The following GARIN1A variants were observed in gnomAD, a reference collection of about 807,000 sequenced individuals.
The protein encoded by GARIN1A is Golgi-associated RAB2 interactor protein 1A.
chr7:128,687,047 G>A, the GARIN1A span: 1 of 152,176 alleles, frequency 6.6e-6, no homozygotes, highest in Non-Finnish European at 1.5e-5. Flanking sequence ...AATGCGCCAT[G>A]TTTGAAGATA....
the GARIN1A span, among the ~76,000 whole-genome samples, chr7:128,703,323 A>G: frequency 2.6e-5 from 4 of 152,256 alleles, no homozygotes; most frequent in Non-Finnish European, 5.9e-5. Flanking sequence ...AATTTCATGC[A>G]AAGTGTATAA....
chr7:128,696,174 C>G, the GARIN1A span, among the ~76,000 whole-genome samples: 1 of 151,886 alleles, frequency 6.6e-6, no homozygotes, highest in Admixed American at 6.6e-5. Flanking sequence ...CGATGCCTGG[C>G]TAATTTTTAA....
the GARIN1A span, among the ~76,000 whole-genome samples, chr7:128,696,472 C>A: frequency 6.6e-6 from 1 of 151,740 alleles, no homozygotes; most frequent in South Asian, 2.1e-4. Context: ...GTCTTTCTGT[C>A]AACACAGTTT....
the GARIN1A span, among the ~76,000 whole-genome samples, chr7:128,688,233 A>C: frequency 6.6e-6 from 1 of 152,074 alleles, no homozygotes; most frequent in Non-Finnish European, 1.5e-5. Flanking sequence ...GATGGTCTCG[A>C]TCTCCTGACC....
At chr7:128,700,551 A>T in the GARIN1A span, among the ~76,000 whole-genome samples, 2 of 152,178 alleles carry the variant, frequency 1.3e-5, no homozygotes, top group African/African-American at 4.8e-5. Flanking sequence ...AAGTGCTGGG[A>T]TTACAGGAGT....
the GARIN1A span, among the ~76,000 whole-genome samples, chr7:128,699,272 C>A: frequency 8.0e-6 from 1 of 125,088 alleles, no homozygotes; most frequent in Non-Finnish European, 1.8e-5. Context: ...CCCCCCCCCC[C>A]CACCACCAAA....
the GARIN1A span, among the ~76,000 whole-genome samples, chr7:128,705,058 A>G: frequency 1.3e-5 from 2 of 152,212 alleles, no homozygotes; most frequent in South Asian, 2.1e-4. Context: ...TTACTCTTGC[A>G]TGAGTCAACA....
At chr7:128,692,443 A>ATTT in the GARIN1A span, among the ~76,000 whole-genome samples, 1 of 152,218 alleles carries the variant, frequency 6.6e-6, no homozygotes, top group Admixed American at 6.5e-5. Context: ...TGAAAACACC[A>ATTT]CACGGATTGG....
At chr7:128,675,896 A>T in the GARIN1A span, 1 of 1,419,918 alleles carries the variant, frequency 7.0e-7, no homozygotes, top group Non-Finnish European at 9.9e-7. Flanking sequence ...GGATGGAATG[A>T]TTGACTGGGA....
the GARIN1A span, among the ~76,000 whole-genome samples, chr7:128,692,130 G>A: frequency 7.2e-5 from 11 of 152,090 alleles, no homozygotes; most frequent in South Asian, 2.1e-4. Context: ...AATTCCCTTC[G>A]GCTTGGGTTG....
chr7:128,689,666 C>T, the GARIN1A span, among the ~76,000 whole-genome samples: 1 of 150,130 alleles, frequency 6.7e-6, no homozygotes, highest in Non-Finnish European at 1.5e-5. Flanking sequence ...GTGAGGAGCC[C>T]CTCCGCCCGA....
the GARIN1A span, among the ~76,000 whole-genome samples, chr7:128,690,269 C>G: frequency 6.6e-6 from 1 of 152,188 alleles, no homozygotes; most frequent in African/African-American, 2.4e-5. Context: ...ACAAACACTG[C>G]GGAAGGCCGC....
chr7:128,688,556 G>A, the GARIN1A span, among the ~76,000 whole-genome samples: 2 of 151,946 alleles, frequency 1.3e-5, no homozygotes, highest in African/African-American at 4.8e-5. Flanking sequence ...CTTTGACTGG[G>A]TTCATTCCCT....
the GARIN1A span, among the ~76,000 whole-genome samples, chr7:128,677,384 G>A: frequency 6.6e-6 from 1 of 151,726 alleles, no homozygotes; most frequent in Non-Finnish European, 1.5e-5. Flanking sequence ...GCGGGCGCCT[G>A]TAGTCCCAGC....
the GARIN1A span, among the ~76,000 whole-genome samples, chr7:128,702,411 A>T: frequency 1.3e-5 from 2 of 152,204 alleles, no homozygotes; most frequent in African/African-American, 4.8e-5. Context: ...CTGTTGTAAG[A>T]TCCTTACACT....
chr7:128,685,576 T>G, the GARIN1A span: 1 of 152,238 alleles, frequency 6.6e-6, no homozygotes, highest in Admixed American at 6.5e-5. Flanking sequence ...GGATGCCTGA[T>G]GCTTGTTGGT....
chr7:128,698,357 C>T, the GARIN1A span, among the ~76,000 whole-genome samples: 8 of 152,230 alleles, frequency 5.3e-5, no homozygotes, highest in Middle Eastern at 6.8e-3. Context: ...CACACCTTCT[C>T]CTCAGCCCTC....
the GARIN1A span, among the ~76,000 whole-genome samples, chr7:128,694,211 C>A: frequency 3.5e-4 from 54 of 152,158 alleles, no homozygotes; most frequent in Non-Finnish European, 6.9e-4. Flanking sequence ...TTGTTAGCTT[C>A]TTGTGTTGGA....
At chr7:128,699,917 T>C in the GARIN1A span, among the ~76,000 whole-genome samples, 1 of 152,220 alleles carries the variant, frequency 6.6e-6, no homozygotes, top group Non-Finnish European at 1.5e-5. Context: ...TTTTTTATGT[T>C]CCTGGTGAAT....
Sources: gnomAD v4.1 joint callset for allele counts (sites outside exome capture counted in the v4.1 genomes callset) on GRCh38, gnomAD v4.1.1 for gene constraint, MANE v1.5 for transcripts, NCBI Gene and HGNC (gene_info 2026-07-23, HGNC 2026-07-21) for gene names.